Variants in CTNNA3 observed in about 807,000 individuals in gnomAD.
CTNNA3 encodes catenin alpha-3.
A neutral mutation model predicts 95.7 loss-of-function variants in CTNNA3; 76 were observed. That is an observed-to-expected ratio of 0.79 (90% CI 0.66 to 0.96). The LOEUF (loss-of-function observed/expected upper bound fraction) is 0.96. Among genes scored for constraint, CTNNA3 ranks in the 40% least tolerant of loss-of-function variants. CTNNA3 has a pLI of 0.00. For missense variants in CTNNA3, 1,191 were observed against 1,089.8 expected, an observed-to-expected ratio of 1.09 and a Z score of -1.31; for synonymous variants, 431 against 374.4, an observed-to-expected ratio of 1.15 and a Z score of -1.74.
intron 13 of CTNNA3, among the ~76,000 whole-genome samples, chr10:66,252,546 A>T (rs1485885881): frequency 6.6e-6 from 1 of 152,218 alleles, no homozygotes; most frequent in Admixed American, 6.5e-5. Flanking sequence ...ACAAAATATG[A>T]TAAACATTGT....
intron 11 of CTNNA3, among the ~76,000 whole-genome samples, chr10:66,423,132 TTAAGAATGA>T (rs1289522158): frequency 6.6e-6 from 1 of 152,086 alleles, no homozygotes; most frequent in East Asian, 1.9e-4. Flanking sequence ...TACATATTCA[TTAAGAATGA>T]TAATTCTACT....
rs56341920 is a variant in CTNNA3, at chr10:67,026,808, T to A, written c.1047+153509A>T. On this transcript the variant is annotated intron_variant, in intron 7 of 17. Coordinates refer to ENST00000433211, the MANE Select transcript of CTNNA3 (RefSeq NM_013266.4). ...GAGATTTATGAAAAATGAAACAAAC[T>A]CTTCTCATGTGTTAATTAAAAGAGT... 2.3e-3 allele frequency among the ~76,000 whole-genome samples: 353 copies of A among 152,282 alleles called. 3 individuals are homozygous for A. Among genetic ancestry groups the A allele is most frequent in the Middle Eastern group, 0.01 (3 of 294 alleles).
intron 1 of CTNNA3, among the ~76,000 whole-genome samples, chr10:67,707,622 G>A (rs1465986445): frequency 2.6e-5 from 4 of 152,018 alleles, no homozygotes; most frequent in Admixed American, 6.6e-5. Flanking sequence ...TCACCATTGG[G>A]ATAAAAGCTA....
chr10:67,434,573 A>C (rs1208927077), intron 5 of CTNNA3, among the ~76,000 whole-genome samples: 1 of 151,920 alleles, frequency 6.6e-6, no homozygotes, highest in African/African-American at 2.4e-5. Flanking sequence ...ATATATCCAT[A>C]TATGTGTGTG....
intron 9 of CTNNA3, among the ~76,000 whole-genome samples, chr10:66,750,238 T>C (rs1218583951): frequency 1.3e-5 from 2 of 152,222 alleles, no homozygotes; most frequent in Non-Finnish European, 2.9e-5. Context: ...AGCATATCAA[T>C]TGTTTCCTTC....
chr10:66,636,960 C>G (rs537604914), intron 9 of CTNNA3, among the ~76,000 whole-genome samples: 1 of 152,032 alleles, frequency 6.6e-6, no homozygotes, highest in Non-Finnish European at 1.5e-5. Flanking sequence ...AAGGAGATAA[C>G]GCAGTGAAGC....
chr10:66,304,231 C>T (rs2091902434), intron 12 of CTNNA3, among the ~76,000 whole-genome samples: 1 of 152,080 alleles, frequency 6.6e-6, no homozygotes, highest in African/African-American at 2.4e-5. Context: ...CATTGGCCAA[C>T]AATTCAAAAA....
chr10:67,750,703 G>A, intron 1 of CTNNA3: 1 of 1,565,210 alleles, frequency 6.4e-7, no homozygotes, highest in Admixed American at 1.7e-5. Context: ...GTTCTTGGAT[G>A]CCTGGGAGGC....
At chr10:67,284,526 G>A (rs897896583) in intron 5 of CTNNA3, among the ~76,000 whole-genome samples, 1 of 152,020 alleles carries the variant, frequency 6.6e-6, no homozygotes, top group Non-Finnish European at 1.5e-5. Flanking sequence ...TACTTACAGC[G>A]AGTAAGTAAA....
chr10:66,064,683 G>T (rs1408927675), intron 15 of CTNNA3, among the ~76,000 whole-genome samples: 2 of 152,086 alleles, frequency 1.3e-5, no homozygotes, highest in African/African-American at 4.8e-5. Context: ...CGGACTATGT[G>T]TCTCCTCCAA....
chr10:66,184,687 T>C (rs12412295), intron 13 of CTNNA3, among the ~76,000 whole-genome samples: 12,963 of 152,270 alleles, frequency 0.085, 609 homozygotes, highest in Admixed American at 0.12. Context: ...CTTTTAATTC[T>C]GTATTTCCTT....
chr10:67,443,515 G>A (rs2132940054), intron 5 of CTNNA3, among the ~76,000 whole-genome samples: 1 of 152,228 alleles, frequency 6.6e-6, no homozygotes, highest in Non-Finnish European at 1.5e-5. Context: ...ATATCTCATT[G>A]TGGTTTTGAT....
At chr10:66,603,068 C>T (rs1388092450) in intron 10 of CTNNA3, among the ~76,000 whole-genome samples, 2 of 152,044 alleles carry the variant, frequency 1.3e-5, no homozygotes, top group African/African-American at 2.4e-5. Context: ...TTTTATCCAA[C>T]ATAGTACTGG....
intron 7 of CTNNA3, among the ~76,000 whole-genome samples, chr10:66,840,376 ACACACAC>A (rs1843024977): frequency 2.4e-5 from 2 of 83,658 alleles, no homozygotes; most frequent in African/African-American, 1.5e-4. Flanking sequence ...TCTCTCTCAC[ACACACAC>A]ACACACACAC....
intron 9 of CTNNA3, 124 bp downstream of exon 9, chr10:66,766,140 C>A: frequency 1.1e-6 from 1 of 897,074 alleles, no homozygotes; most frequent in South Asian, 1.7e-5. Context: ...ATTACTTTGG[C>A]CAGACTCTGC....
At chr10:66,618,545 C>T (rs372302054) in intron 10 of CTNNA3, among the ~76,000 whole-genome samples, 2 of 151,936 alleles carry the variant, frequency 1.3e-5, no homozygotes, top group Non-Finnish European at 2.9e-5. Flanking sequence ...CTTACACCTT[C>T]TACAAAAATT....
At chr10:67,246,920 A>G (rs1270457072) in intron 5 of CTNNA3, among the ~76,000 whole-genome samples, 1 of 152,214 alleles carries the variant, frequency 6.6e-6, no homozygotes, top group Non-Finnish European at 1.5e-5. Context: ...AGCTTTTGCT[A>G]TCTCAATGTG....
intron 11 of CTNNA3, among the ~76,000 whole-genome samples, chr10:66,491,686 C>T (rs1250019928): frequency 6.6e-6 from 1 of 151,842 alleles, no homozygotes; most frequent in African/African-American, 2.4e-5. Flanking sequence ...CTGAAGGAGG[C>T]AAAAGGAATT....
intron 13 of CTNNA3, among the ~76,000 whole-genome samples, chr10:66,162,379 C>A (rs1412797664): frequency 6.6e-6 from 1 of 152,092 alleles, no homozygotes; most frequent in Non-Finnish European, 1.5e-5. Flanking sequence ...TGACCAGATT[C>A]TTTTGTCCCA....
Sources: allele counts gnomAD v4.1 joint callset (sites outside exome capture counted in the v4.1 genomes callset), GRCh38; gene constraint gnomAD v4.1.1; transcripts MANE v1.5; gene names NCBI Gene and HGNC (gene_info 2026-07-23, HGNC 2026-07-21).